Variants in DTD1 observed in about 807,000 individuals in gnomAD.
The protein encoded by DTD1 is D-tyrosyl-tRNA deacylase 1 homolog.
In DTD1, 13 loss-of-function variants were observed where a neutral mutation model predicts 25.6. The ratio of observed to expected loss-of-function variants is 0.51; its 90% confidence interval spans 0.33 to 0.81. DTD1 has a LOEUF of 0.81. Among genes scored for constraint, DTD1 ranks in the 30% least tolerant of loss-of-function variants. The probability of loss-of-function intolerance (pLI) is 0.02; values close to 1 mark genes in which losing one functional copy is unlikely to be tolerated. For missense variants in DTD1, 193 were observed against 266.4 expected (o/e 0.72, Z 1.92); for synonymous variants, 110 against 103.6 (o/e 1.06, Z -0.37).
intron 4 of DTD1, among the ~76,000 whole-genome samples, chr20:18,641,659 A>G (rs1218102347): frequency 2.0e-5 from 3 of 152,058 alleles, no homozygotes; most frequent in Non-Finnish European, 2.9e-5. Flanking sequence ...GGCCATTTGT[A>G]TATCTTCTTT....
intron 4 of DTD1, among the ~76,000 whole-genome samples, chr20:18,708,309 TTATATATATATTATA>T (rs2061142620): frequency 2.3e-5 from 1 of 44,112 alleles, no homozygotes; most frequent in Non-Finnish European, 4.2e-5. Context: ...TATATATATT[TTATATATATATTATA>T]TATATATATT....
At chr20:18,650,779 A>T (rs2060871144) in intron 4 of DTD1, among the ~76,000 whole-genome samples, 1 of 152,234 alleles carries the variant, frequency 6.6e-6, no homozygotes, top group Admixed American at 6.5e-5. Flanking sequence ...CTAAAGGCAG[A>T]TGGAGGATTT....
intron 4 of DTD1, among the ~76,000 whole-genome samples, chr20:18,718,029 T>C (rs2061188335): frequency 6.6e-6 from 1 of 152,216 alleles, no homozygotes; most frequent in South Asian, 2.1e-4. Flanking sequence ...TGGGAGCCTC[T>C]TGGGAAACAG....
intron 5 of DTD1, among the ~76,000 whole-genome samples, chr20:18,744,922 A>G (rs913560021): frequency 6.6e-6 from 1 of 152,200 alleles, no homozygotes. Flanking sequence ...GAGATGCAGG[A>G]GGGTGGCATA....
chr20:18,751,264 A>C (rs1166977667), intron 5 of DTD1, among the ~76,000 whole-genome samples: 3 of 152,036 alleles, frequency 2.0e-5, no homozygotes, highest in African/African-American at 7.2e-5. Flanking sequence ...GTCTCTGGGT[A>C]GTGTTTTTAT....
chr20:18,607,575 A>G (rs116150088), intron 3 of DTD1, among the ~76,000 whole-genome samples: 61 of 152,340 alleles, frequency 4.0e-4, no homozygotes, highest in African/African-American at 1.3e-3. Context: ...GAGAATTGGT[A>G]TAATTTATTC....
At chr20:18,671,983 C>T (rs956550874) in intron 4 of DTD1, among the ~76,000 whole-genome samples, 2 of 152,160 alleles carry the variant, frequency 1.3e-5, no homozygotes, top group South Asian at 2.1e-4. Context: ...CCTGTAATCC[C>T]AGAACTTTGG....
At chr20:18,753,792 C>T (rs1248216167) in intron 5 of DTD1, among the ~76,000 whole-genome samples, 3 of 151,930 alleles carry the variant, frequency 2.0e-5, no homozygotes, top group Non-Finnish European at 2.9e-5. Context: ...GCTTTCCATT[C>T]GTAATTAGGA....
In DTD1 at chr20:18,749,415, C is replaced by T. The variant is rs1052854171; in HGVS notation, c.*19+5144C>T. The stretch of plus-strand genomic sequence containing the variant: ...GCTGTGTTGGGTCTGTGGGCTGACT[C>T]TCGGTCCTGGATAGAAGTGGTGAGG... On this transcript the variant is annotated intron_variant, in intron 5 of 5. Transcript: ENST00000377452. The surrounding 1 kb of genome is among the most constrained non-coding windows in gnomAD (Gnocchi z 4.2). Among the ~76,000 whole-genome samples, 2 of 151,998 alleles carry T rather than the reference C, an allele frequency of 1.3e-5. No individual in the cohort carries two copies. Among genetic ancestry groups the T allele is most frequent in the African/African-American group, 4.8e-5 (2 of 41,366 alleles).
At chr20:18,698,688 C>G (rs539156830) in intron 4 of DTD1, 2 of 152,324 alleles carry the variant, frequency 1.3e-5, no homozygotes, top group African/African-American at 4.8e-5. Flanking sequence ...TCCCTCCTCC[C>G]GCTCCCTGCC....
At chr20:18,618,298 C>G (rs770679880) in intron 3 of DTD1, among the ~76,000 whole-genome samples, 1 of 151,990 alleles carries the variant, frequency 6.6e-6, no homozygotes, top group Non-Finnish European at 1.5e-5. Context: ...GTTTGACTGA[C>G]TTATTTCCTT....
At chr20:18,643,419 G>C (rs761297066) in intron 4 of DTD1, 1 of 221,526 alleles carries the variant, frequency 4.5e-6, no homozygotes, top group Non-Finnish European at 9.6e-6. Flanking sequence ...TCTGTGCCTA[G>C]CTCTTCGATT....
intron 4 of DTD1, among the ~76,000 whole-genome samples, chr20:18,728,457 A>G (rs987035320): frequency 6.6e-6 from 1 of 152,220 alleles, no homozygotes; most frequent in African/African-American, 2.4e-5. Context: ...GGGATCTGTC[A>G]GAATGCAGAT....
intron 4 of DTD1, among the ~76,000 whole-genome samples, chr20:18,705,255 G>A (rs1316635368): frequency 6.6e-6 from 1 of 152,136 alleles, no homozygotes; most frequent in Non-Finnish European, 1.5e-5. Flanking sequence ...GATAAGGAGA[G>A]TTTGAAACAA....
chr20:18,714,500 G>T (rs2061172283), intron 4 of DTD1, among the ~76,000 whole-genome samples: 1 of 152,212 alleles, frequency 6.6e-6, no homozygotes, highest in African/African-American at 2.4e-5. Context: ...TTCACAGGTA[G>T]AGGAGACTAG....
At chr20:18,675,637 T>C (rs1284686864) in intron 4 of DTD1, 1 of 152,086 alleles carries the variant, frequency 6.6e-6, no homozygotes, top group East Asian at 1.9e-4. Context: ...AAGAAGAAAA[T>C]AAGATCACCT....
chr20:18,643,211 A>T (rs1458749112), intron 4 of DTD1: 1 of 270,538 alleles, frequency 3.7e-6, no homozygotes. Flanking sequence ...CACTATGCCC[A>T]GCCTGGAGCA....
intron 4 of DTD1, among the ~76,000 whole-genome samples, chr20:18,705,718 T>C (rs1159729874): frequency 6.6e-6 from 1 of 152,056 alleles, no homozygotes; most frequent in Non-Finnish European, 1.5e-5. Flanking sequence ...AGATCTGCTT[T>C]GTGTGAGAAT....
intron 4 of DTD1, among the ~76,000 whole-genome samples, chr20:18,648,995 CAAAA>C (rs57780175): frequency 1.8e-4 from 10 of 56,274 alleles, no homozygotes; most frequent in Admixed American, 9.6e-4. Flanking sequence ...GACTCCATCT[CAAAA>C]AAAAAAAAAA....
Sources: gnomAD v4.1 joint callset for allele counts (sites outside exome capture counted in the v4.1 genomes callset) on GRCh38, gnomAD v4.1.1 for gene constraint, Gnocchi (gnomAD v3.1) non-coding constraint, MANE v1.5 for transcripts, NCBI Gene and HGNC (gene_info 2026-07-23, HGNC 2026-07-21) for gene names.